The following CREB3L1 variants were observed in gnomAD, a reference collection of about 807,000 sequenced individuals.
The protein encoded by CREB3L1 is cAMP responsive element binding protein 3 like 1.
A neutral mutation model predicts 54.5 loss-of-function variants in CREB3L1; 33 were observed. The ratio of observed to expected loss-of-function variants is 0.61; its 90% CI spans 0.46 to 0.81. The LOEUF is 0.81. Among genes scored for constraint, CREB3L1 ranks in the 30% least tolerant of loss-of-function variants. The pLI is 0.00. For missense variants in CREB3L1, 656 were observed against 673.3 expected (o/e 0.97, Z 0.29); for synonymous variants, 284 against 286.4 (o/e 0.99, Z 0.08).
intron 2 of CREB3L1, among the ~76,000 whole-genome samples, chr11:46,305,984 G>T (rs540924632): frequency 1.3e-5 from 2 of 151,702 alleles, no homozygotes; most frequent in Non-Finnish European, 2.9e-5. Context: ...TGATCCGCCC[G>T]TCTTAGCCTC....
At chr11:46,305,035 G>C (rs1939359212) in intron 2 of CREB3L1, among the ~76,000 whole-genome samples, 1 of 152,154 alleles carries the variant, frequency 6.6e-6, no homozygotes, top group South Asian at 2.1e-4. Flanking sequence ...TGGCCTCCAA[G>C]GTGGTCAATC....
chr11:46,300,465 CA>C (rs770350279), intron 2 of CREB3L1, among the ~76,000 whole-genome samples: 4 of 152,272 alleles, frequency 2.6e-5, no homozygotes, highest in Non-Finnish European at 5.9e-5. Context: ...GTTCCACCCC[CA>C]ACCTGCTGAA....
chr11:46,308,076 C>T (rs1165460688), intron 3 of CREB3L1, 76 bp downstream of exon 3: 2 of 1,290,770 alleles, frequency 1.5e-6, no homozygotes, highest in East Asian at 2.6e-5. Context: ...GTGCCCAAAG[C>T]CCTGTGCCCT....
At chr11:46,297,701 A>G (rs1939233381) in intron 1 of CREB3L1, among the ~76,000 whole-genome samples, 1 of 152,240 alleles carries the variant, frequency 6.6e-6, no homozygotes, top group Non-Finnish European at 1.5e-5. Context: ...CAAACTGGGA[A>G]GTGGGAGAGT....
chr11:46,290,730 AGAG>A (rs1191992697), intron 1 of CREB3L1, among the ~76,000 whole-genome samples: 1 of 150,104 alleles, frequency 6.7e-6, no homozygotes, highest in Non-Finnish European at 1.5e-5. Flanking sequence ...GAGAGATGAA[AGAG>A]GAGGAGCCAA....
Position 46,312,411 on chromosome 11 carries a change from A to G in CREB3L1, c.840A>G (p.Lys280=), listed in dbSNP as rs1440702632. The change falls in exon 6 of 12, where the codon AAA becomes AAG. Residue 280 remains lysine (K), a synonymous_variant. Coordinates refer to ENST00000621158, the MANE Select transcript of CREB3L1 (RefSeq NM_052854.4). The stretch of plus-strand genomic sequence containing the variant: ...CTGAGGGCTACCCCATCCCCACAAA[A>G]CTCCCCCTCACCAAAGCCGAGGAGA... ...LIAEGYPIPT[K]LPLTKAEEKA... 1 of 1,613,344 alleles carries G rather than the reference A, an allele frequency of 6.2e-7. No individual in the cohort carries two copies. The highest frequency in any genetic ancestry group is 1.3e-5 in the African/African-American group (1 of 74,816).
intron 4 of CREB3L1, among the ~76,000 whole-genome samples, chr11:46,310,396 T>G (rs1233127646): frequency 2.6e-5 from 4 of 152,116 alleles, no homozygotes; most frequent in Admixed American, 2.0e-4. Flanking sequence ...GCCTCCTAAG[T>G]ACCTGGGATT....
chr11:46,296,993 T>C (rs762501489), intron 1 of CREB3L1, among the ~76,000 whole-genome samples: 16 of 152,140 alleles, frequency 1.1e-4, no homozygotes, highest in Non-Finnish European at 2.1e-4. Context: ...GCATCTTTCC[T>C]CTCCCAGGCC....
chr11:46,313,863 C>T (rs946181745), intron 8 of CREB3L1, among the ~76,000 whole-genome samples: 1 of 152,186 alleles, frequency 6.6e-6, no homozygotes, highest in African/African-American at 2.4e-5. Context: ...TTACGCTGCT[C>T]TGCCATTTTT....
At chr11:46,294,210 T>A (rs1362216131) in intron 1 of CREB3L1, among the ~76,000 whole-genome samples, 1 of 152,120 alleles carries the variant, frequency 6.6e-6, no homozygotes, top group Non-Finnish European at 1.5e-5. Context: ...GGGGAAAATA[T>A]GAAACTTCAG....
Position 46,320,368 on chromosome 11 carries a change from C to G in CREB3L1, c.1363C>G (p.Pro455Ala). Residue 455 changes from proline to alanine, a missense_variant, in exon 11 of 12, where the codon CCC becomes GCC. Coordinates refer to ENST00000621158, the MANE Select transcript of CREB3L1 (RefSeq NM_052854.4). ...GCCCCCAGATGGCTGGGAAATCAACCCCGGGGGGCCGGCAGAGCAGCGGCC... is the reference window on the plus strand; with the variant it reads ...GCCCCCAGATGGCTGGGAAATCAACGCCGGGGGGCCGGCAGAGCAGCGGCC... ...MEPPDGWEIN[P>A]GGPAEQRPRD... 2 of 1,610,760 alleles carry G rather than the reference C, an allele frequency of 1.2e-6. No homozygotes were observed. Among genetic ancestry groups the G allele is most frequent in the Non-Finnish European group, 1.7e-6 (2 of 1,178,556 alleles).
At position 46,305,732 on chromosome 11, in the gene CREB3L1, G is replaced by A. The variant is rs985768592; in HGVS notation, c.332-2084G>A. Among the ~76,000 whole-genome samples, 495 of 118,436 alleles carry A rather than the reference G, an allele frequency of 4.2e-3. 4 individuals carry two copies. Among genetic ancestry groups the A allele is most frequent in the African/African-American group, 0.016 (438 of 26,660 alleles). The allele number at this position is 118,436 out of a possible 152,430, so 77.7% of individuals were successfully genotyped here. On this transcript the variant is annotated intron_variant, in intron 2 of 11. Transcript: ENST00000621158. ...TGTGTGTGTGTGTGTGTGTGTGTGT[G>A]TATATATATATATATTTTTTTTTAA... is the stretch of plus-strand genomic sequence containing the variant.
intron 1 of CREB3L1, among the ~76,000 whole-genome samples, chr11:46,279,354 G>A (rs992014421): frequency 6.6e-6 from 1 of 152,140 alleles, no homozygotes; most frequent in African/African-American, 2.4e-5. Context: ...CAGGCCAAGG[G>A]ACAGGAGCCG....
At chr11:46,305,120 G>C (rs1939360660) in intron 2 of CREB3L1, among the ~76,000 whole-genome samples, 1 of 152,080 alleles carries the variant, frequency 6.6e-6, no homozygotes, top group South Asian at 2.1e-4. Flanking sequence ...TTGAATGTTG[G>C]CTCCCCTCCC....
chr11:46,316,214 C>T, intron 8 of CREB3L1, 72 bp from the exon 9 acceptor site: 1 of 983,852 alleles, frequency 1.0e-6, no homozygotes, highest in East Asian at 2.6e-5. Context: ...AGCCAGCCCC[C>T]TAGGAGAGCT....
chr11:46,305,628 GTA>G (rs1391798644), intron 2 of CREB3L1, among the ~76,000 whole-genome samples: 1 of 133,178 alleles, frequency 7.5e-6, no homozygotes, highest in African/African-American at 2.9e-5. Context: ...GTATATATAT[GTA>G]TATATATACA....
intron 2 of CREB3L1, among the ~76,000 whole-genome samples, chr11:46,306,133 T>C (rs1444804193): frequency 2.0e-5 from 3 of 152,146 alleles, no homozygotes; most frequent in African/African-American, 2.4e-5. Context: ...AGCCTTGAAC[T>C]CTTGGGCTCA....
chr11:46,319,082 G>C lies in CREB3L1; in HGVS notation c.1259-1182G>C, dbSNP rs569265072. ...GAAAAAGGAGTGGAAAGAGAGCTGG[G>C]GTTGATGGATAAAGCCACAGTGAGA... On this transcript the variant is annotated intron_variant, in intron 10 of 11. Coordinates refer to ENST00000621158, the MANE Select transcript of CREB3L1 (RefSeq NM_052854.4). Among the ~76,000 whole-genome samples the C allele has an allele frequency of 1.3e-5, 2 of 152,318 alleles. 1 individual carries two copies. The highest frequency in any genetic ancestry group is 4.1e-4 in the South Asian group (2 of 4,830).
chr11:46,316,355 G>A lies in CREB3L1; in HGVS notation c.1101G>A (p.Met367Ile). ...VTNKISRPYK[M>I]AATQTGTCLM... ...ACAAGATCTCCAGACCTTACAAGAT[G>A]GCCGCCACCCAGACTGGGACCTGCC... Residue 367 changes from methionine (M) to isoleucine (I), a missense_variant, in exon 9 of 12, where the codon ATG (methionine) becomes ATA (isoleucine). Coordinates refer to ENST00000621158, the MANE Select transcript of CREB3L1 (RefSeq NM_052854.4). 1 of 1,572,898 alleles carries A rather than the reference G, an allele frequency of 6.4e-7. No individual in the cohort carries two copies. The highest frequency in any genetic ancestry group is 2.4e-5 in the East Asian group (1 of 42,274).
Sources: allele counts gnomAD v4.1 joint callset (sites outside exome capture counted in the v4.1 genomes callset), GRCh38; gene constraint gnomAD v4.1.1; transcripts MANE v1.5; gene names NCBI Gene and HGNC (gene_info 2026-07-23, HGNC 2026-07-21).